PDS5A: variants seen among roughly 807,000 people sequenced by gnomAD.
The protein encoded by PDS5A is PDS5 cohesin associated factor A, also known as sister chromatid cohesion protein PDS5 homolog A.
PDS5A carries 42 observed loss-of-function variants against 167.1 expected under a neutral mutation model. That is an observed-to-expected ratio of 0.25 (90% confidence interval 0.20 to 0.33). PDS5A has a LOEUF of 0.33. Among genes scored for constraint, PDS5A ranks in the 10% least tolerant of loss-of-function variants. The pLI is 1.00. For missense variants in PDS5A, 1,033 were observed against 1,605.9 expected (o/e 0.64, Z 6.10); for synonymous variants, 553 against 554.6 (o/e 1.00, Z 0.04).
At chr4:39,913,921 T>A (rs1180845157) in intron 8 of PDS5A, among the ~76,000 whole-genome samples, 195 bp from the exon 9 acceptor site, 3 of 152,164 alleles carry the variant, frequency 2.0e-5, no homozygotes, top group African/African-American at 7.2e-5. Context: ...TTTGCTCTTA[T>A]TTCACACCCT....
At chr4:39,849,700 CT>C in intron 26 of PDS5A, 48 bp from the exon 27 acceptor site, 1 of 1,343,192 alleles carries the variant, frequency 7.4e-7, no homozygotes, top group African/African-American at 1.4e-5. Context: ...GATGCTTTAG[CT>C]TAAAGCAATA....
chr4:39,838,143 T>A lies in PDS5A; in HGVS notation c.3723A>T (p.Val1241=). ...ISSDRGKKRT[V]TAAGAENIQQ... ...GGATATTCTCTGCACCAGCTGCTGT[T>A]ACTGTTCTTTTCTTTCCTCGGTCAC... The change falls in exon 32 of 33, where the codon GTA becomes GTT. Residue 1241 remains valine, a synonymous_variant. Coordinates refer to ENST00000303538, the MANE Select transcript of PDS5A (RefSeq NM_001100399.2). 1.2e-6 allele frequency: 2 copies of A among 1,613,788 alleles called. No individual in the cohort carries two copies. The highest frequency in any genetic ancestry group is 1.7e-6 in the Non-Finnish European group (2 of 1,179,804).
At chr4:39,911,835 T>TAAAAAA (rs35068853) in intron 9 of PDS5A, among the ~76,000 whole-genome samples, 5 of 125,284 alleles carry the variant, frequency 4.0e-5, no homozygotes, top group African/African-American at 3.0e-5. Flanking sequence ...CCGTCTCAAT[T>TAAAAAA]AAAAAAAAAA....
chr4:39,960,456 T>A (rs1280833822), intron 2 of PDS5A, among the ~76,000 whole-genome samples: 1 of 152,172 alleles, frequency 6.6e-6, no homozygotes, highest in Non-Finnish European at 1.5e-5. Context: ...TGAATTAATG[T>A]CAAAGACCGA....
intron 17 of PDS5A, among the ~76,000 whole-genome samples, chr4:39,886,477 G>T (rs1397853660): frequency 6.6e-6 from 1 of 152,092 alleles, no homozygotes; most frequent in African/African-American, 2.4e-5. Context: ...ACTTTGGGAG[G>T]CCGAAGTGGG....
chr4:39,897,416 C>T (rs1382097709), intron 16 of PDS5A, among the ~76,000 whole-genome samples: 5 of 152,056 alleles, frequency 3.3e-5, no homozygotes. Context: ...TTTTCCTTTT[C>T]TTGAGACAGT....
At chr4:39,852,351 GA>G (rs1158906545) in intron 26 of PDS5A, among the ~76,000 whole-genome samples, 1 of 152,110 alleles carries the variant, frequency 6.6e-6, no homozygotes, top group Non-Finnish European at 1.5e-5. Context: ...TACTGCCCAA[GA>G]AATGTAATCA....
At chr4:39,885,131 C>T (rs542418692) in intron 17 of PDS5A, among the ~76,000 whole-genome samples, 70 of 150,062 alleles carry the variant, frequency 4.7e-4, no homozygotes, top group South Asian at 1.5e-3. Flanking sequence ...AGCATGGTGG[C>T]GCACACCTGT....
intron 2 of PDS5A, chr4:39,933,465 A>G (rs954447094): frequency 5.3e-5 from 8 of 152,180 alleles, no homozygotes; most frequent in African/African-American, 1.9e-4. Flanking sequence ...TAAAGCATGC[A>G]TATATTTTTA....
chr4:39,929,390 G>A (rs1049467171), intron 2 of PDS5A, among the ~76,000 whole-genome samples: 16 of 151,606 alleles, frequency 1.1e-4, no homozygotes, highest in African/African-American at 3.2e-4. Context: ...TCTTTCTCCC[G>A]TGCTGGATGC....
chr4:39,968,794 G>A (rs549608972), intron 2 of PDS5A, among the ~76,000 whole-genome samples: 86 of 142,150 alleles, frequency 6.0e-4, no homozygotes, highest in African/African-American at 2.1e-3. Flanking sequence ...TTTTTTTCTC[G>A]TGACAGAGTC....
intron 7 of PDS5A, among the ~76,000 whole-genome samples, chr4:39,918,371 G>A (rs1724599393): frequency 6.6e-6 from 1 of 151,098 alleles, no homozygotes; most frequent in Non-Finnish European, 1.5e-5. Context: ...TTTTTTAAAT[G>A]CTAGACAGAA....
chr4:39,901,383 TC>T lies in PDS5A; in HGVS notation c.1500-877del, dbSNP rs537505035. On this transcript the variant is annotated intron_variant, in intron 13 of 32. Transcript: ENST00000303538. ...CCTGGGTTCAAGCAATTCTCCGGCCTCAGCCTCCCTAGTAGCTGGGATTACA... is the reference window on the plus strand; with the variant it reads ...CCTGGGTTCAAGCAATTCTCCGGCCTAGCCTCCCTAGTAGCTGGGATTACA... Among the ~76,000 whole-genome samples, 18 of 148,922 alleles carry T rather than the reference TC, an allele frequency of 1.2e-4. No individual in the cohort carries two copies. In the South Asian group the frequency reaches 2.2e-3, roughly 18 times the overall value.
chr4:39,930,250 T>TTG lies in PDS5A; in HGVS notation c.139-2087_139-2086insCA, dbSNP rs1261826708. Among the ~76,000 whole-genome samples, 96 of 109,876 alleles carry TTG rather than the reference T, an allele frequency of 8.7e-4. 3 individuals carry two copies. In the East Asian group the frequency reaches 0.014, roughly 15 times the overall value. The allele number at this position is 109,876 out of a possible 152,430, so 72.1% of individuals were successfully genotyped here. A position where few individuals can be genotyped will look rare whatever the true frequency, so the allele number is the denominator to read the frequency against. On this transcript the variant is annotated intron_variant, in intron 2 of 32. Transcript: ENST00000303538. Reference sequence around the variant, plus strand: ...AAAAAAAAAAAAAAAAAAAAAAGTTTTTTTGTTTTTTGTTTTTTTTTTTTA... The same window carrying TTG: ...AAAAAAAAAAAAAAAAAAAAAAGTTTTGTTTTGTTTTTTGTTTTTTTTTTTTA...
At chr4:39,950,984 G>A (rs1333799627) in intron 2 of PDS5A, among the ~76,000 whole-genome samples, 1 of 151,934 alleles carries the variant, frequency 6.6e-6, no homozygotes, top group South Asian at 2.1e-4. Flanking sequence ...GCTCACTGCA[G>A]CCTTGACCTC....
At chr4:39,895,810 C>A (rs969226359) in intron 16 of PDS5A, among the ~76,000 whole-genome samples, 2 of 151,580 alleles carry the variant, frequency 1.3e-5, no homozygotes, top group Non-Finnish European at 2.9e-5. Context: ...CTCCGCCTCC[C>A]AGGTTCACAC....
intron 17 of PDS5A, among the ~76,000 whole-genome samples, chr4:39,880,698 T>A (rs899662504): frequency 1.3e-5 from 2 of 152,158 alleles, no homozygotes; most frequent in Admixed American, 6.6e-5. Flanking sequence ...TTATAAATAT[T>A]CATGGGGTAC....
intron 2 of PDS5A, among the ~76,000 whole-genome samples, chr4:39,944,512 G>C (rs1727557668): frequency 6.6e-6 from 1 of 152,124 alleles, no homozygotes; most frequent in East Asian, 1.9e-4. Flanking sequence ...GACCAACATG[G>C]AGAAAGCCCG....
At chr4:39,952,551 C>T (rs1306330391) in intron 2 of PDS5A, among the ~76,000 whole-genome samples, 1 of 151,856 alleles carries the variant, frequency 6.6e-6, no homozygotes, top group Non-Finnish European at 1.5e-5. Context: ...TCTTTCTATC[C>T]TATCACTCAG....
Sources: gnomAD v4.1 joint callset for allele counts (sites outside exome capture counted in the v4.1 genomes callset) on GRCh38, gnomAD v4.1.1 for gene constraint, MANE v1.5 for transcripts, NCBI Gene and HGNC (gene_info 2026-07-23, HGNC 2026-07-21) for gene names.